Variants in FLVCR2 observed in about 807,000 individuals in gnomAD.
The protein encoded by FLVCR2 is FLVCR choline and putative heme transporter 2, also known as choline/ethanolamine transporter FLVCR2.
Under a neutral mutation model 48.9 loss-of-function variants are expected in FLVCR2, and 38 were observed. The ratio of observed to expected loss-of-function variants is 0.78; its 90% CI spans 0.60 to 1.02. The LOEUF (loss-of-function observed/expected upper bound fraction) is 1.02, where lower values mean the gene tolerates loss of function less well. Ranked by LOEUF, FLVCR2 falls within the 50% of genes least tolerant of loss-of-function variation. The probability of loss-of-function intolerance (pLI) is 0.00; values close to 1 mark genes in which losing one functional copy is unlikely to be tolerated. For synonymous variants in FLVCR2, 255 were observed against 257.0 expected, an observed-to-expected ratio of 0.99 and a Z score of 0.07; for missense variants, 664 against 663.3, an observed-to-expected ratio of 1.00 and a Z score of -0.01.
chr14:75,624,648 C>T lies in FLVCR2; in HGVS notation c.848C>T (p.Ala283Val), dbSNP rs201446263. Reference protein sequence around the residue: ...KEKPKYPPSRAQSLSYALTSP... With the variant: ...KEKPKYPPSRVQSLSYALTSP... Reference sequence around the variant, plus strand: ...AAACCTAAATATCCCCCCAGCAGGGCCCAATCCCTGAGCTATGCCTTGACC... The same window carrying T: ...AAACCTAAATATCCCCCCAGCAGGGTCCAATCCCTGAGCTATGCCTTGACC... Residue 283 changes from alanine (A) to valine (V), a missense_variant, in exon 3 of 10, where the codon GCC becomes GTC. Physicochemically the swap from Ala to Val is moderately conservative, Grantham distance 64 (BLOSUM62 0). Transcript: ENST00000238667. 1 of 1,614,110 alleles carries T rather than the reference C, an allele frequency of 6.2e-7. No homozygotes were observed. The highest frequency in any genetic ancestry group is 2.2e-5 in the East Asian group (1 of 44,866).
intron 1 of FLVCR2, among the ~76,000 whole-genome samples, chr14:75,591,252 A>T (rs925679687): frequency 6.6e-6 from 1 of 152,162 alleles, no homozygotes; most frequent in African/African-American, 2.4e-5. Context: ...CATGTTGCCC[A>T]TAGTGGTCTC....
chr14:75,594,256 C>A (rs1888962500), intron 1 of FLVCR2, among the ~76,000 whole-genome samples: 1 of 151,714 alleles, frequency 6.6e-6, no homozygotes, highest in South Asian at 2.1e-4. Context: ...CTAAGTAATC[C>A]CTGAGAAGCT....
At chr14:75,644,983 C>T (rs1453372517) in intron 9 of FLVCR2, among the ~76,000 whole-genome samples, 1 of 151,656 alleles carries the variant, frequency 6.6e-6, no homozygotes, top group African/African-American at 2.4e-5. Context: ...TAACTTGTTT[C>T]CCATTTGTGA....
intron 1 of FLVCR2, among the ~76,000 whole-genome samples, chr14:75,584,049 C>A (rs1888676627): frequency 6.6e-6 from 1 of 152,216 alleles, no homozygotes; most frequent in Non-Finnish European, 1.5e-5. Flanking sequence ...AGTCCGACCT[C>A]CACTGGGGGC....
intron 1 of FLVCR2, among the ~76,000 whole-genome samples, chr14:75,621,523 T>A (rs1889766671): frequency 6.6e-6 from 1 of 152,228 alleles, no homozygotes; most frequent in Non-Finnish European, 1.5e-5. Flanking sequence ...TATGCAGTTA[T>A]GTGTGACTTC....
rs1888525878 is a variant in FLVCR2 at position 75,579,055 on chromosome 14, C to T, written c.83C>T (p.Ser28Leu). The T allele has an allele frequency of 6.2e-7, 1 of 1,601,320 alleles. No homozygotes were observed. The highest frequency in any genetic ancestry group is 1.7e-5 in the Admixed American group (1 of 59,290). Reference protein sequence around the residue: ...ESALQADPSVSVHPSVSVHPS... With the variant: ...ESALQADPSVLVHPSVSVHPS... Reference sequence around the variant, plus strand: ...GCACTCCAAGCGGACCCCAGCGTCTCGGTCCATCCCAGCGTCTCGGTCCAT... The same window carrying T: ...GCACTCCAAGCGGACCCCAGCGTCTTGGTCCATCCCAGCGTCTCGGTCCAT... The change falls in exon 1 of 10, where the codon TCG becomes TTG. Residue 28 changes from serine (S) to leucine (L), a missense_variant. Ser to Leu is a moderately radical substitution (Grantham distance 145). Transcript: ENST00000238667.
chr14:75,591,068 G>T (rs560477321), intron 1 of FLVCR2, among the ~76,000 whole-genome samples: 1 of 152,294 alleles, frequency 6.6e-6, no homozygotes, highest in East Asian at 1.9e-4. Flanking sequence ...TTCAAACATA[G>T]GGTCTTGCTC....
chr14:75,621,838 C>T (rs1461899785), intron 1 of FLVCR2, among the ~76,000 whole-genome samples: 2 of 152,146 alleles, frequency 1.3e-5, no homozygotes, highest in Non-Finnish European at 2.9e-5. Context: ...GCACTGAGAC[C>T]ATCAACTACA....
chr14:75,579,141 G>T lies in FLVCR2; in HGVS notation c.169G>T (p.Ala57Ser). 6.2e-7 allele frequency: 1 copy of T among 1,614,178 alleles called. No individual in the cohort carries two copies. Among genetic ancestry groups the T allele is most frequent in the Non-Finnish European group, 8.5e-7 (1 of 1,180,036 alleles). ...VHPSSSAHPS[A>S]LAQPSGLAHP... is the part of the protein sequence containing the mutation. ...CCCCAGCAGTTCGGCCCACCCCAGTGCCTTAGCCCAACCCAGTGGCTTGGC... is the reference window on the plus strand; with the variant it reads ...CCCCAGCAGTTCGGCCCACCCCAGTTCCTTAGCCCAACCCAGTGGCTTGGC... The change falls in exon 1 of 10, where the codon GCC (alanine) becomes TCC (serine). Residue 57 changes from alanine (A) to serine (S), a missense_variant. By Grantham distance (99) the Ala-to-Ser change is moderately conservative (BLOSUM62 1). Transcript: ENST00000238667.
intron 6 of FLVCR2, chr14:75,640,633 C>A: frequency 2.5e-6 from 1 of 395,326 alleles, no homozygotes; most frequent in Non-Finnish European, 4.8e-6. Context: ...CATAGTCTCT[C>A]AGCTGAAGGT....
At chr14:75,579,981 C>T (rs1888556356) in intron 1 of FLVCR2, among the ~76,000 whole-genome samples, 1 of 152,262 alleles carries the variant, frequency 6.6e-6, no homozygotes, top group African/African-American at 2.4e-5. Flanking sequence ...CCCTGGGCAT[C>T]AGACTATTCT....
At chr14:75,613,864 T>C (rs1264382830) in intron 1 of FLVCR2, among the ~76,000 whole-genome samples, 1 of 152,202 alleles carries the variant, frequency 6.6e-6, no homozygotes, top group Non-Finnish European at 1.5e-5. Flanking sequence ...ACATGAGCTT[T>C]AGAGGGGACA....
At chr14:75,606,059 G>A (rs556257783) in intron 1 of FLVCR2, 51 of 191,166 alleles carry the variant, frequency 2.7e-4, no homozygotes, top group Middle Eastern at 2.3e-3. Flanking sequence ...TCAGTCTGTC[G>A]CCCAGGCTGG....
At chr14:75,635,786 C>T (rs996504961) in intron 5 of FLVCR2, among the ~76,000 whole-genome samples, 2 of 152,096 alleles carry the variant, frequency 1.3e-5, no homozygotes, top group African/African-American at 4.8e-5. Flanking sequence ...GATCGCTTGA[C>T]CCAGGAGGTG....
At chr14:75,599,771 T>C (rs1255336079) in intron 1 of FLVCR2, among the ~76,000 whole-genome samples, 1 of 152,124 alleles carries the variant, frequency 6.6e-6, no homozygotes, top group Non-Finnish European at 1.5e-5. Context: ...TATAGACCAA[T>C]GAAATAGAGA....
At chr14:75,593,689 C>G (rs192449630) in intron 1 of FLVCR2, among the ~76,000 whole-genome samples, 1 of 152,362 alleles carries the variant, frequency 6.6e-6, no homozygotes, top group Admixed American at 6.5e-5. Flanking sequence ...AAACTCAGAT[C>G]ATATCCGAAC....
At chr14:75,581,049 G>A (rs1345731623) in intron 1 of FLVCR2, among the ~76,000 whole-genome samples, 4 of 151,848 alleles carry the variant, frequency 2.6e-5, no homozygotes, top group East Asian at 1.9e-4. Context: ...TGCTTCGAGC[G>A]GGATTAGGGG....
chr14:75,644,037 C>CG (rs1402563732), intron 9 of FLVCR2, among the ~76,000 whole-genome samples: 5 of 87,050 alleles, frequency 5.7e-5, no homozygotes, highest in Non-Finnish European at 1.5e-4. Flanking sequence ...GACTCCATCT[C>CG]GAAAAAAAAA....
chr14:75,645,792 C>T (rs756911288), intron 9 of FLVCR2, among the ~76,000 whole-genome samples: 1 of 151,816 alleles, frequency 6.6e-6, no homozygotes, highest in Non-Finnish European at 1.5e-5. Flanking sequence ...GTGGTGGGCA[C>T]CTATAATCCC....
Sources: gnomAD v4.1 joint callset for allele counts (sites outside exome capture counted in the v4.1 genomes callset) on GRCh38, gnomAD v4.1.1 for gene constraint, MANE v1.5 for transcripts, NCBI Gene and HGNC (gene_info 2026-07-23, HGNC 2026-07-21) for gene names.